The following TAMM41 variants were observed in gnomAD, a reference collection of about 807,000 sequenced individuals.
TAMM41 encodes the protein TAM41 mitochondrial translocator assembly and maintenance homolog.
Under a neutral mutation model 44.1 loss-of-function variants are expected in TAMM41, and 36 were observed. The observed-to-expected ratio is 0.82, with a 90% CI of 0.63 to 1.08. The LOEUF is 1.08. Among genes scored for constraint, TAMM41 ranks in the 50% least tolerant of loss-of-function variants. The pLI is 0.00. For missense variants in TAMM41, 417 were observed against 404.3 expected (o/e 1.03, Z -0.27); for synonymous variants, 164 against 153.1 (o/e 1.07, Z -0.53).
chr3:11,748,438 C>T, the TAMM41 span, among the ~76,000 whole-genome samples: 63 of 148,332 alleles, frequency 4.2e-4, no homozygotes, highest in African/African-American at 1.5e-3. Flanking sequence ...GCTGCCACCA[C>T]GTCTGGCTTT....
At chr3:11,723,580 CAAA>C in the TAMM41 span, among the ~76,000 whole-genome samples, 2 of 97,236 alleles carry the variant, frequency 2.1e-5, no homozygotes, top group Non-Finnish European at 2.2e-5. Flanking sequence ...GACCCTGTCT[CAAA>C]AAAAAAAAAA....
At chr3:11,784,815 TTTGAG>T in the TAMM41 span, among the ~76,000 whole-genome samples, 3 of 144,690 alleles carry the variant, frequency 2.1e-5, no homozygotes, top group East Asian at 5.9e-4. Flanking sequence ...TTTTTTTTTT[TTTGAG>T]GAGGAGGAGT....
chr3:11,790,661 G>A, intron 7 of TAMM41, 80 bp from the exon 8 acceptor site: 1 of 1,319,510 alleles, frequency 7.6e-7, no homozygotes, highest in Non-Finnish European at 1.1e-6. Context: ...ATTCTGAGCA[G>A]ACTTGTCTTT....
At chr3:11,845,884 A>C (rs1312134575) in intron 1 of TAMM41, among the ~76,000 whole-genome samples, 1 of 152,270 alleles carries the variant, frequency 6.6e-6, no homozygotes, top group Non-Finnish European at 1.5e-5. Flanking sequence ...ACCGTTGTTA[A>C]AAGTGCTGAG....
chr3:11,742,391 T>A, the TAMM41 span, among the ~76,000 whole-genome samples: 2 of 150,308 alleles, frequency 1.3e-5, no homozygotes, highest in African/African-American at 5.0e-5. Context: ...TCCTTGAAGA[T>A]TCATCCCAGT....
the TAMM41 span, among the ~76,000 whole-genome samples, chr3:11,779,078 G>A: frequency 6.6e-6 from 1 of 152,074 alleles, no homozygotes; most frequent in African/African-American, 2.4e-5. Flanking sequence ...CCCTCCCTCA[G>A]TGGTGAGTTC....
Position 11,807,833 on chromosome 3 carries a change from C to A in TAMM41, c.937G>T (p.Gly313Cys). 6.5e-7 allele frequency: 1 copy of A among 1,536,104 alleles called. No individual in the cohort carries two copies. The highest frequency in any genetic ancestry group is 8.7e-7 in the Non-Finnish European group (1 of 1,146,906). Residue 313 changes from glycine to cysteine, a missense_variant and splice_region_variant, in exon 7 of 8, where the codon GGC (glycine) becomes TGC (cysteine). Coordinates refer to ENST00000455809, the MANE Select transcript of TAMM41 (RefSeq NM_001284401.2). ...ACACACGGATTTCCAAAGCTCTTAC[C>A]AGCAGTAAAAATGCCTTTCGTGCTC... ...RQSTKGIFTAGLKKSVIYSSL... is the reference protein window; with the variant it reads ...RQSTKGIFTACLKKSVIYSSL...
the TAMM41 span, among the ~76,000 whole-genome samples, chr3:11,746,306 A>C: frequency 7.4e-6 from 1 of 135,218 alleles, no homozygotes; most frequent in Non-Finnish European, 1.6e-5. Flanking sequence ...TCTCTCAAAA[A>C]AAAAAAAAAA....
At chr3:11,787,744 AAAC>A (rs2077425522), downstream of TAMM41, among the ~76,000 whole-genome samples, 1 of 152,216 alleles carries the variant, frequency 6.6e-6, no homozygotes, top group African/African-American at 2.4e-5. Flanking sequence ...ATAGATATAG[AAAC>A]TAAGGTTCAG....
intron 3 of TAMM41, among the ~76,000 whole-genome samples, chr3:11,835,920 C>A (rs898985065): frequency 2.0e-5 from 3 of 152,022 alleles, no homozygotes; most frequent in Admixed American, 1.3e-4. Flanking sequence ...GATTCTAACC[C>A]TACATCTGTT....
intron 7 of TAMM41, among the ~76,000 whole-genome samples, chr3:11,802,516 G>A (rs1455310190): frequency 6.6e-6 from 1 of 152,094 alleles, no homozygotes; most frequent in Non-Finnish European, 1.5e-5. Context: ...CAGAGTATCT[G>A]AAAAGATCAG....
chr3:11,725,199 C>G, the TAMM41 span, among the ~76,000 whole-genome samples: 1 of 146,868 alleles, frequency 6.8e-6, no homozygotes, highest in African/African-American at 2.5e-5. Context: ...GCTCCCTCCT[C>G]CTTCTCCTCC....
intron 2 of TAMM41, among the ~76,000 whole-genome samples, chr3:11,839,561 C>T (rs1029436627): frequency 6.6e-6 from 1 of 152,190 alleles, no homozygotes; most frequent in Non-Finnish European, 1.5e-5. Context: ...AAGATTATAA[C>T]AGAGAAGTCT....
chr3:11,730,285 G>C, the TAMM41 span, among the ~76,000 whole-genome samples: 1 of 151,848 alleles, frequency 6.6e-6, no homozygotes, highest in Non-Finnish European at 1.5e-5. Flanking sequence ...GCCAGGTGTG[G>C]TGGCACACAC....
At chr3:11,828,289 A>G (rs765306841) in intron 4 of TAMM41, among the ~76,000 whole-genome samples, 6 of 152,234 alleles carry the variant, frequency 3.9e-5, no homozygotes, top group African/African-American at 1.4e-4. Flanking sequence ...TAAACTTGGT[A>G]GCAGCTTGAA....
the TAMM41 span, among the ~76,000 whole-genome samples, chr3:11,751,542 T>C: frequency 6.6e-6 from 1 of 152,132 alleles, no homozygotes; most frequent in East Asian, 1.9e-4. Context: ...CTACCGAACC[T>C]CATGGTTGAG....
Position 11,817,846 on chromosome 3 carries a change from A to G in TAMM41, c.563-509T>C, listed in dbSNP as rs561563759. Reference sequence around the variant, plus strand: ...AAATAAGGCTTAAAAGTTCTGTAAGAGGAGGTTTGCATTTAAGATGAAATT... The same window carrying G: ...AAATAAGGCTTAAAAGTTCTGTAAGGGGAGGTTTGCATTTAAGATGAAATT... On this transcript the variant is annotated intron_variant, in intron 4 of 7. Coordinates refer to ENST00000455809, the MANE Select transcript of TAMM41 (RefSeq NM_001284401.2). 2.6e-5 allele frequency among the ~76,000 whole-genome samples: 4 copies of G among 152,344 alleles called. No homozygotes were observed. In the East Asian group the frequency reaches 7.7e-4, roughly 29 times the overall value.
intron 7 of TAMM41, among the ~76,000 whole-genome samples, chr3:11,805,043 C>T (rs1292054374): frequency 1.4e-5 from 2 of 141,064 alleles, no homozygotes; most frequent in African/African-American, 5.2e-5. Flanking sequence ...GTCTCACTCT[C>T]GCCCAGGCCA....
the TAMM41 span, among the ~76,000 whole-genome samples, chr3:11,778,651 C>A: frequency 6.6e-6 from 1 of 151,894 alleles, no homozygotes; most frequent in African/African-American, 2.4e-5. Context: ...TTGGAAAAAA[C>A]ATCGGAAAAT....
Sources: gnomAD v4.1 joint callset for allele counts (sites outside exome capture counted in the v4.1 genomes callset) on GRCh38, gnomAD v4.1.1 for gene constraint, MANE v1.5 for transcripts, NCBI Gene and HGNC (gene_info 2026-07-23, HGNC 2026-07-21) for gene names.